Variants in NHEJ1 observed in about 807,000 individuals in gnomAD.
NHEJ1 encodes non-homologous end joining factor 1, also known as non-homologous end-joining factor 1.
In NHEJ1, 22 loss-of-function variants were observed where a neutral mutation model predicts 39.4. The observed-to-expected ratio is 0.56, with a 90% CI of 0.40 to 0.80. The LOEUF is 0.80. Among genes scored for constraint, NHEJ1 ranks in the 30% least tolerant of loss-of-function variants. The pLI, the probability that NHEJ1 is intolerant of heterozygous loss-of-function variation, is 0.00. For missense variants in NHEJ1, 329 were observed against 357.1 expected (o/e 0.92, Z 0.63); for synonymous variants, 154 against 135.6 (o/e 1.14, Z -0.94).
At chr2:219,100,040 C>T (rs747708671) in intron 5 of NHEJ1, among the ~76,000 whole-genome samples, 20 of 152,026 alleles carry the variant, frequency 1.3e-4, no homozygotes, top group Non-Finnish European at 2.6e-4. Flanking sequence ...ATCTTTAATA[C>T]AGGAGAAGAA....
intron 5 of NHEJ1, among the ~76,000 whole-genome samples, chr2:219,121,971 T>C (rs1256510711): frequency 6.6e-6 from 1 of 152,150 alleles, no homozygotes; most frequent in East Asian, 1.9e-4. Context: ...ACCCAAAATA[T>C]ACCAAGAACT....
chr2:219,104,082 T>C lies in NHEJ1; in HGVS notation c.589-25876A>G, dbSNP rs1047375001. Among the ~76,000 whole-genome samples the C allele has an allele frequency of 2.6e-5, 4 of 152,326 alleles. No individual in the cohort carries two copies. The South Asian group carries it at 6.2e-4, about 24-fold the overall frequency. On this transcript the variant is annotated intron_variant, in intron 5 of 7. Transcript: ENST00000356853. ...GTTTTTTTTTGTTTGTTTGTTTTGTTTTGTCTCAGGTTTAAAAAACAAAAT... is the reference window on the plus strand; with the variant it reads ...GTTTTTTTTTGTTTGTTTGTTTTGTCTTGTCTCAGGTTTAAAAAACAAAAT...
Position 219,074,043 on chromosome 2 carries a change from G to T in NHEJ1, c.*2338C>A, listed in dbSNP as rs1012811519. ...TCAACCACTACCCCTAGCTTTGCGG[G>T]GTAAGGGCTTCGGGGCAAGAATGCC... On this transcript the variant is annotated 3_prime_UTR_variant, in exon 8 of 8. Transcript: ENST00000356853. Among the ~76,000 whole-genome samples the T allele has an allele frequency of 5.3e-5, 8 of 152,236 alleles. No individual in the cohort carries two copies. Among genetic ancestry groups the T allele is most frequent in the Non-Finnish European group, 1.2e-4 (8 of 68,052 alleles).
At chr2:219,152,788 T>TA (rs1491277587) in intron 3 of NHEJ1, among the ~76,000 whole-genome samples, 41 of 29,450 alleles carry the variant, frequency 1.4e-3, no homozygotes, top group Non-Finnish European at 2.5e-3. Context: ...TATTTATTTA[T>TA]TTTTATTTAT....
At chr2:219,110,124 G>A (rs1949350363) in intron 5 of NHEJ1, among the ~76,000 whole-genome samples, 2 of 152,024 alleles carry the variant, frequency 1.3e-5, no homozygotes, top group South Asian at 4.1e-4. Flanking sequence ...GCCAAGCATT[G>A]TTCTATTGAC....
At chr2:219,099,264 T>C (rs1277899901) in intron 5 of NHEJ1, among the ~76,000 whole-genome samples, 1 of 152,206 alleles carries the variant, frequency 6.6e-6, no homozygotes, top group Non-Finnish European at 1.5e-5. Context: ...TGGAGGGCTG[T>C]CCTGTGCACT....
At position 219,075,388 on chromosome 2, in the gene NHEJ1, G is replaced by A. The variant is rs889642180; in HGVS notation, c.*993C>T. ...ATCTTCTCTCGAGACTTGACATCAG[G>A]ACAGAAACGCCAGTATATATACAGG... is the stretch of plus-strand genomic sequence containing the variant. On this transcript the variant is annotated 3_prime_UTR_variant, in exon 8 of 8. Coordinates refer to ENST00000356853, the MANE Select transcript of NHEJ1 (RefSeq NM_024782.3). 3.3e-5 allele frequency: 5 copies of A among 152,068 alleles called. No individual in the cohort carries two copies. Among genetic ancestry groups the A allele is most frequent in the Non-Finnish European group, 5.9e-5 (4 of 68,010 alleles). The allele number at this position is 152,068 out of a possible 1,614,324, so 9.4% of individuals were successfully genotyped here.
In NHEJ1 at chr2:219,139,758, G is replaced by A. The variant is rs73074906; in HGVS notation, c.588+6922C>T. Among the ~76,000 whole-genome samples, 363 of 152,132 alleles carry A rather than the reference G, an allele frequency of 2.4e-3. 3 individuals carry two copies. Among genetic ancestry groups the A allele is most frequent in the African/African-American group, 7.6e-3 (317 of 41,510 alleles). Reference sequence around the variant, plus strand: ...GTGGCACGATCTCGGCTCACTGCAAGCTCTGAGACCTCCCAGGTTCACGCC... The same window carrying A: ...GTGGCACGATCTCGGCTCACTGCAAACTCTGAGACCTCCCAGGTTCACGCC... On this transcript the variant is annotated intron_variant, in intron 5 of 7. Transcript: ENST00000356853.
intron 5 of NHEJ1, among the ~76,000 whole-genome samples, chr2:219,141,566 T>C (rs1378308509): frequency 4.6e-5 from 7 of 152,000 alleles, no homozygotes; most frequent in East Asian, 1.9e-4. Context: ...GAATGGATGA[T>C]GGTATAATTC....
intron 5 of NHEJ1, among the ~76,000 whole-genome samples, chr2:219,136,176 T>C (rs1949625931): frequency 6.6e-6 from 1 of 152,230 alleles, no homozygotes; most frequent in Non-Finnish European, 1.5e-5. Flanking sequence ...TCCTTTGCTA[T>C]TGGGATTCTT....
At chr2:219,129,757 T>C (rs1331489928) in intron 5 of NHEJ1, among the ~76,000 whole-genome samples, 1 of 152,258 alleles carries the variant, frequency 6.6e-6, no homozygotes, top group East Asian at 1.9e-4. Flanking sequence ...TTTAACGCCC[T>C]GCGCGGCCAG....
At chr2:219,150,914 C>T (rs2059027629) in intron 3 of NHEJ1, among the ~76,000 whole-genome samples, 1 of 151,858 alleles carries the variant, frequency 6.6e-6, no homozygotes, top group East Asian at 1.9e-4. Context: ...CGAGACTGCG[C>T]CATTGCACTC....
intron 7 of NHEJ1, 102 bp from the exon 8 acceptor site, chr2:219,076,557 CTTTTTTTTTTTTTT>C: frequency 4.4e-6 from 2 of 457,432 alleles, no homozygotes; most frequent in South Asian, 2.1e-5. Context: ...AGGATGAGGC[CTTTTTTTTTTTTTT>C]TTTTTTTTTC....
At chr2:219,155,798 G>A (rs1398267499) in intron 3 of NHEJ1, among the ~76,000 whole-genome samples, 6 of 150,986 alleles carry the variant, frequency 4.0e-5, no homozygotes, top group South Asian at 2.1e-4. Context: ...GGTGGTGTGC[G>A]CCTGTAGTCC....
At chr2:219,147,363 T>C (rs1559202332) in intron 4 of NHEJ1, among the ~76,000 whole-genome samples, 1 of 152,096 alleles carries the variant, frequency 6.6e-6, no homozygotes, top group Non-Finnish European at 1.5e-5. Context: ...GCGTCTACAA[T>C]CCCAGCTACT....
intron 3 of NHEJ1, among the ~76,000 whole-genome samples, chr2:219,153,696 G>A (rs913194964): frequency 7.8e-6 from 1 of 128,590 alleles, no homozygotes; most frequent in African/African-American, 2.7e-5. Flanking sequence ...AAGAAAAGGG[G>A]GGGGGGGTGG....
intron 5 of NHEJ1, among the ~76,000 whole-genome samples, chr2:219,136,290 T>C (rs893529262): frequency 3.4e-5 from 5 of 148,562 alleles, no homozygotes; most frequent in East Asian, 3.9e-4. Context: ...TGGTTTCTTT[T>C]TTTTTTTTTT....
At chr2:219,115,040 G>A (rs1210005205) in intron 5 of NHEJ1, among the ~76,000 whole-genome samples, 1 of 152,106 alleles carries the variant, frequency 6.6e-6, no homozygotes, top group East Asian at 1.9e-4. Flanking sequence ...GGCCTCCGAC[G>A]TGTTCAATGC....
At position 219,073,481 on chromosome 2, in the gene NHEJ1, G is replaced by A. The variant is rs1243703316; in HGVS notation, c.*2900C>T. Among the ~76,000 whole-genome samples the A allele has an allele frequency of 1.3e-5, 2 of 152,206 alleles. No homozygotes were observed. The highest frequency in any genetic ancestry group is 4.8e-5 in the African/African-American group (2 of 41,446). On this transcript the variant is annotated 3_prime_UTR_variant, in exon 8 of 8. Coordinates refer to ENST00000356853, the MANE Select transcript of NHEJ1 (RefSeq NM_024782.3). The stretch of plus-strand genomic sequence containing the variant: ...AAAGGAGGTGCTACCCAGCTAGAGT[G>A]GAAAGGGATGAGGCTTTCTCTCCAA...
Sources: gnomAD v4.1 joint callset for allele counts (sites outside exome capture counted in the v4.1 genomes callset) on GRCh38, gnomAD v4.1.1 for gene constraint, MANE v1.5 for transcripts, NCBI Gene and HGNC (gene_info 2026-07-23, HGNC 2026-07-21) for gene names.